CNTNAP5: variants seen among roughly 807,000 people sequenced by gnomAD.
The protein encoded by CNTNAP5 is contactin associated protein family member 5.
CNTNAP5 carries 72 observed loss-of-function variants against 150.2 expected under a neutral mutation model. The observed-to-expected ratio is 0.48, with a 90% CI of 0.40 to 0.58. CNTNAP5 has a LOEUF of 0.58. CNTNAP5 is among the 20% of genes least tolerant of loss of function. The pLI is 0.00. For missense variants in CNTNAP5, 1,636 were observed against 1,626.2 expected, an observed-to-expected ratio of 1.01 and a Z score of -0.10; for synonymous variants, 672 against 619.8, an observed-to-expected ratio of 1.08 and a Z score of -1.25.
intron 13 of CNTNAP5, among the ~76,000 whole-genome samples, chr2:124,660,380 G>C (rs754350347): frequency 6.6e-6 from 1 of 152,208 alleles, no homozygotes; most frequent in Non-Finnish European, 1.5e-5. Flanking sequence ...GTACAGGCTG[G>C]TGAGTTACTG....
chr2:124,471,042 T>G (rs1271311068), intron 6 of CNTNAP5, among the ~76,000 whole-genome samples: 1 of 152,186 alleles, frequency 6.6e-6, no homozygotes, highest in East Asian at 1.9e-4. Context: ...TAGGATTGTC[T>G]TGGCTATTCA....
At chr2:124,730,898 G>C (rs1389886328) in intron 13 of CNTNAP5, among the ~76,000 whole-genome samples, 1 of 152,080 alleles carries the variant, frequency 6.6e-6, no homozygotes, top group Non-Finnish European at 1.5e-5. Context: ...TGAAATAGGA[G>C]ATACAGGCAT....
intron 13 of CNTNAP5, among the ~76,000 whole-genome samples, chr2:124,735,184 A>AAAAC (rs907047119): frequency 2.6e-5 from 4 of 152,152 alleles, no homozygotes; most frequent in African/African-American, 4.8e-5. Context: ...GCCCATCCAA[A>AAAAC]AAACAAACAA....
chr2:124,279,224 AGTGT>A (rs10564494), intron 3 of CNTNAP5, among the ~76,000 whole-genome samples: 8,756 of 150,074 alleles, frequency 0.058, 815 homozygotes, highest in African/African-American at 0.2. Context: ...AACTGTAGGA[AGTGT>A]GTGTGTGTGT....
At chr2:124,400,848 A>G (rs1309615872) in intron 3 of CNTNAP5, among the ~76,000 whole-genome samples, 1 of 151,660 alleles carries the variant, frequency 6.6e-6, no homozygotes, top group Non-Finnish European at 1.5e-5. Context: ...GTCAACAGTC[A>G]CTTCATTACC....
At position 124,779,650 on chromosome 2, in the gene CNTNAP5, A is replaced by G. The variant is rs1681405892; in HGVS notation, c.2752+6633A>G. Among the ~76,000 whole-genome samples, 4 of 152,102 alleles carry G rather than the reference A, an allele frequency of 2.6e-5. No individual in the cohort carries two copies. In the South Asian group the frequency reaches 8.3e-4, roughly 32 times the overall value. On this transcript the variant is annotated intron_variant, in intron 17 of 23. Transcript: ENST00000682447. ...CTTCCTCTCCTACTTTCTTTTTCCA[A>G]AGCACTGTTTCATGCTAATAGGTTA...
At chr2:124,836,837 C>A (rs369719926) in intron 19 of CNTNAP5, among the ~76,000 whole-genome samples, 1 of 152,122 alleles carries the variant, frequency 6.6e-6, no homozygotes, top group Non-Finnish European at 1.5e-5. Context: ...TATACACATA[C>A]CTCGTGTTTG....
intron 3 of CNTNAP5, among the ~76,000 whole-genome samples, chr2:124,307,748 G>A (rs896586491): frequency 1.3e-5 from 2 of 152,186 alleles, no homozygotes; most frequent in East Asian, 1.9e-4. Flanking sequence ...CAAAGAAGAA[G>A]AGATACAGGT....
chr2:124,130,755 C>G (rs1683824849), intron 1 of CNTNAP5, among the ~76,000 whole-genome samples: 1 of 152,070 alleles, frequency 6.6e-6, no homozygotes, highest in Non-Finnish European at 1.5e-5. Context: ...TGAATATATG[C>G]CATACTAGGC....
chr2:124,303,235 T>A (rs1688607333), intron 3 of CNTNAP5, among the ~76,000 whole-genome samples: 2 of 152,142 alleles, frequency 1.3e-5, no homozygotes, highest in African/African-American at 4.8e-5. Context: ...AAACCAAGTA[T>A]CACTCCCCTG....
intron 4 of CNTNAP5, among the ~76,000 whole-genome samples, chr2:124,424,737 T>C (rs937304410): frequency 6.6e-6 from 1 of 152,218 alleles, no homozygotes; most frequent in Non-Finnish European, 1.5e-5. Context: ...AGGCTCCCTC[T>C]GCTAGGCTTC....
intron 3 of CNTNAP5, among the ~76,000 whole-genome samples, chr2:124,353,788 G>A (rs1463684162): frequency 6.6e-6 from 1 of 152,216 alleles, no homozygotes. Flanking sequence ...CTGGAGACAA[G>A]AAGGTGCATA....
chr2:124,265,941 T>C (rs1476460137), intron 3 of CNTNAP5, among the ~76,000 whole-genome samples: 1 of 152,126 alleles, frequency 6.6e-6, no homozygotes. Context: ...CCCAAATGTG[T>C]CTAGTGTTGA....
chr2:124,787,420 T>C (rs942065524), intron 17 of CNTNAP5, among the ~76,000 whole-genome samples: 1 of 152,198 alleles, frequency 6.6e-6, no homozygotes, highest in African/African-American at 2.4e-5. Flanking sequence ...TAATTGGGGT[T>C]TGGCCTCCTG....
At position 124,647,968 on chromosome 2, in the gene CNTNAP5, C is replaced by T. The variant is rs777819692; in HGVS notation, c.2077+10C>T. On this transcript the variant is annotated intron_variant, in intron 13 of 23. Transcript: ENST00000682447. ...CTGCTCAACACGCCGGGTAAGGCCT[C>T]TGCATGCATGACCACAGTGGGATAG... is the stretch of plus-strand genomic sequence containing the variant. 2.5e-5 allele frequency: 39 copies of T among 1,584,572 alleles called. No homozygotes were observed. Among genetic ancestry groups the T allele is most frequent in the Non-Finnish European group, 3.3e-5 (39 of 1,165,592 alleles).
chr2:124,394,558 C>A (rs952837973), intron 3 of CNTNAP5, among the ~76,000 whole-genome samples: 2 of 152,052 alleles, frequency 1.3e-5, no homozygotes, highest in Non-Finnish European at 2.9e-5. Context: ...CCCCAAATGG[C>A]ATATTAACAA....
At chr2:124,799,214 A>T (rs576210228) in intron 19 of CNTNAP5, among the ~76,000 whole-genome samples, 7 of 152,292 alleles carry the variant, frequency 4.6e-5, no homozygotes, top group African/African-American at 1.7e-4. Context: ...TTTGGAAAGC[A>T]TTTGGACAAA....
At chr2:124,239,769 T>C (rs543877307) in intron 2 of CNTNAP5, among the ~76,000 whole-genome samples, 262 of 152,144 alleles carry the variant, frequency 1.7e-3, no homozygotes, top group African/African-American at 6.0e-3. Context: ...ATAAAGAATA[T>C]GTTTAGAATT....
At chr2:124,653,400 GATAGTAT>G (rs202062749) in intron 13 of CNTNAP5, among the ~76,000 whole-genome samples, 4,771 of 150,946 alleles carry the variant, frequency 0.032, 78 homozygotes, top group Middle Eastern at 0.05. Context: ...GTGTCTGTAT[GATAGTAT>G]ATAGTATATA....
Sources: allele counts gnomAD v4.1 joint callset (sites outside exome capture counted in the v4.1 genomes callset), GRCh38; gene constraint gnomAD v4.1.1; transcripts MANE v1.5; gene names NCBI Gene and HGNC (gene_info 2026-07-23, HGNC 2026-07-21).